The following MYH11 variants were observed in gnomAD, a reference collection of about 807,000 sequenced individuals.
MYH11 encodes myosin heavy chain 11, also known as myosin-11.
A neutral mutation model predicts 246.6 loss-of-function variants in MYH11; 80 were observed. That is an observed-to-expected ratio of 0.32 (90% confidence interval 0.27 to 0.39). MYH11 has a LOEUF of 0.39. Ranked by LOEUF, MYH11 falls within the 10% of genes least tolerant of loss-of-function variation. The pLI, the probability that MYH11 is intolerant of heterozygous loss-of-function variation, is 1.00. For missense variants in MYH11, 2,158 were observed against 2,546.8 expected, an observed-to-expected ratio of 0.85 and a Z score of 3.29; for synonymous variants, 1,071 against 1,015.5, an observed-to-expected ratio of 1.05 and a Z score of -1.04.
chr16:15,818,339 C>T (rs2043313679), intron 3 of MYH11, among the ~76,000 whole-genome samples: 1 of 152,162 alleles, frequency 6.6e-6, no homozygotes, highest in South Asian at 2.1e-4. Context: ...AAACCAATTT[C>T]CTACTTGGGA....
intron 25 of MYH11, among the ~76,000 whole-genome samples, chr16:15,737,166 A>T (rs2041142718): frequency 6.6e-6 from 1 of 152,182 alleles, no homozygotes. Flanking sequence ...GGTCTAGATG[A>T]GAAAAGCCTG....
chr16:15,799,498 C>T (rs2042830838), intron 3 of MYH11, among the ~76,000 whole-genome samples: 1 of 152,176 alleles, frequency 6.6e-6, no homozygotes, highest in Admixed American at 6.5e-5. Context: ...TACTAGATGA[C>T]AGAGTCAGTC....
intron 23 of MYH11, among the ~76,000 whole-genome samples, chr16:15,739,256 C>A (rs951894137): frequency 2.0e-5 from 3 of 152,042 alleles, no homozygotes; most frequent in African/African-American, 7.2e-5. Flanking sequence ...CCCGCCAACA[C>A]ACCCAACTAA....
intron 25 of MYH11, among the ~76,000 whole-genome samples, chr16:15,737,025 G>T (rs1056027789): frequency 8.5e-5 from 13 of 152,204 alleles, no homozygotes; most frequent in African/African-American, 2.4e-4. Context: ...CAAAGGAGGA[G>T]ATTGGTGTTC....
At chr16:15,707,560 C>T (rs1465730436) in intron 40 of MYH11, among the ~76,000 whole-genome samples, 1 of 152,182 alleles carries the variant, frequency 6.6e-6, no homozygotes, top group Non-Finnish European at 1.5e-5. Context: ...CTTAACAAGA[C>T]CTCACCCTGC....
At chr16:15,784,656 G>A (rs779177476) in intron 5 of MYH11, 16 of 1,611,600 alleles carry the variant, frequency 9.9e-6, no homozygotes, top group South Asian at 2.2e-5. Context: ...AGTTCACTCC[G>A]TGCCTCCCCT....
chr16:15,812,086 A>G (rs945919999), intron 3 of MYH11, among the ~76,000 whole-genome samples: 2 of 152,182 alleles, frequency 1.3e-5, no homozygotes, highest in Admixed American at 6.5e-5. Context: ...ACACTCTGAG[A>G]TGAAGACAGT....
At chr16:15,723,413 A>G (rs2040585888) in intron 31 of MYH11, among the ~76,000 whole-genome samples, 1 of 152,194 alleles carries the variant, frequency 6.6e-6, no homozygotes, top group Non-Finnish European at 1.5e-5. Flanking sequence ...TTGGGAGGCC[A>G]AGGCAGGCAG....
Position 15,778,805 on chromosome 16 carries a change from G to A in MYH11, c.765C>T (p.Tyr255=). ...FIRINFDVTG[Y]IVGANIETYL... ...AGGTCTCAATGTTGGCTCCCACGATGTAACCCGTGACGTCGAAGTTGATGC... is the reference window on the plus strand; with the variant it reads ...AGGTCTCAATGTTGGCTCCCACGATATAACCCGTGACGTCGAAGTTGATGC... The change falls in exon 7 of 41, where the codon TAC becomes TAT. Residue 255 remains tyrosine, a synonymous_variant. Coordinates refer to ENST00000300036, the MANE Select transcript of MYH11 (RefSeq NM_002474.3). The A allele has an allele frequency of 6.2e-7, 1 of 1,614,130 alleles. No homozygotes were observed. Among genetic ancestry groups the A allele is most frequent in the Non-Finnish European group, 8.5e-7 (1 of 1,180,040 alleles).
intron 25 of MYH11, among the ~76,000 whole-genome samples, chr16:15,736,207 G>A (rs1428886791): frequency 6.6e-6 from 1 of 152,208 alleles, no homozygotes; most frequent in Non-Finnish European, 1.5e-5. Flanking sequence ...TGCAGAGGGT[G>A]GATGGGCTCT....
chr16:15,773,870 T>C (rs2042161655), intron 8 of MYH11, among the ~76,000 whole-genome samples: 1 of 152,172 alleles, frequency 6.6e-6, no homozygotes, highest in East Asian at 1.9e-4. Flanking sequence ...TCAAACTGTA[T>C]CCTATGATTA....
intron 32 of MYH11, 141 bp from the exon 33 acceptor site, chr16:15,721,192 C>A (rs2040456818): frequency 9.8e-7 from 1 of 1,019,800 alleles, no homozygotes; most frequent in Non-Finnish European, 1.5e-6. Context: ...CTCAAGATGA[C>A]CCCTGAGAGT....
chr16:15,719,324 G>A lies in MYH11; in HGVS notation c.5083-16C>T. Reference sequence around the variant, plus strand: ...CGGCGAGGTCCTAGGTGGGAGGGAGGAAGGCTGTTGTCTGCCAGGGAAAGG... The same window carrying A: ...CGGCGAGGTCCTAGGTGGGAGGGAGAAAGGCTGTTGTCTGCCAGGGAAAGG... On this transcript the variant is annotated splice_polypyrimidine_tract_variant and intron_variant, in intron 35 of 40. Transcript: ENST00000300036. The A allele has an allele frequency of 6.2e-7, 1 of 1,608,140 alleles. No homozygotes were observed. The highest frequency in any genetic ancestry group is 8.5e-7 in the Non-Finnish European group (1 of 1,179,536).
At chr16:15,772,941 G>C (rs988834614) in intron 8 of MYH11, among the ~76,000 whole-genome samples, 1 of 152,176 alleles carries the variant, frequency 6.6e-6, no homozygotes, top group Non-Finnish European at 1.5e-5. Context: ...CGATGGGACT[G>C]CAGGAAAACA....
At chr16:15,825,371 C>T (rs1335721935) in intron 2 of MYH11, among the ~76,000 whole-genome samples, 4 of 140,838 alleles carry the variant, frequency 2.8e-5, no homozygotes, top group Admixed American at 7.3e-5. Context: ...CAACAACAGC[C>T]GGACCCCCTC....
intron 4 of MYH11, among the ~76,000 whole-genome samples, chr16:15,787,247 A>C (rs1790885499): frequency 6.6e-6 from 1 of 151,846 alleles, no homozygotes; most frequent in African/African-American, 2.4e-5. Flanking sequence ...ACTCTATAAA[A>C]AATAAGAAAA....
Position 15,724,352 on chromosome 16 carries a change from C to T in MYH11, c.4174G>A (p.Glu1392Lys). 1 of 1,614,152 alleles carries T rather than the reference C, an allele frequency of 6.2e-7. No individual in the cohort carries two copies. The highest frequency in any genetic ancestry group is 8.5e-7 in the Non-Finnish European group (1 of 1,180,032). The change falls in exon 31 of 41, where the codon GAG becomes AAG. Residue 1392 changes from glutamate to lysine, a missense_variant. Glu to Lys is a moderately conservative substitution (Grantham distance 56). Coordinates refer to ENST00000300036, the MANE Select transcript of MYH11 (RefSeq NM_002474.3). ...TCCTTCTGGAACCTCTTCTTCCCCT[C>T]TTCCAGAGCTTCCACGGTGCTGGCA... The part of the protein sequence containing the change: ...DFASTVEALE[E>K]GKKRFQKEIE...
At chr16:15,723,165 C>T (rs1332594465) in intron 31 of MYH11, among the ~76,000 whole-genome samples, 3 of 152,100 alleles carry the variant, frequency 2.0e-5, no homozygotes, top group Non-Finnish European at 2.9e-5. Flanking sequence ...CTCCATTTAT[C>T]GTACAATTAA....
chr16:15,847,833 T>A (rs1251298102), intron 1 of MYH11, among the ~76,000 whole-genome samples: 1 of 152,154 alleles, frequency 6.6e-6, no homozygotes, highest in Non-Finnish European at 1.5e-5. Flanking sequence ...AGATGGGGGA[T>A]GAGAAGCTTC....
Sources: allele counts gnomAD v4.1 joint callset (sites outside exome capture counted in the v4.1 genomes callset), GRCh38; gene constraint gnomAD v4.1.1; transcripts MANE v1.5; gene names NCBI Gene and HGNC (gene_info 2026-07-23, HGNC 2026-07-21).